Variants in NF2 observed in about 807,000 individuals in gnomAD.
The protein encoded by NF2 is merlin.
NF2 carries 8 observed loss-of-function variants against 83.7 expected under a neutral mutation model. That is an observed-to-expected ratio of 0.10 (90% CI 0.06 to 0.17). The LOEUF (loss-of-function observed/expected upper bound fraction) is 0.17, where lower values mean the gene tolerates loss of function less well. NF2 is among the 10% of genes least tolerant of loss of function. The pLI is 1.00. For missense variants in NF2, 533 were observed against 744.4 expected (o/e 0.72, Z 3.31); for synonymous variants, 266 against 269.6 (o/e 0.99, Z 0.13).
At chr22:29,690,856 G>A (rs2147157423) in intron 15 of NF2, among the ~76,000 whole-genome samples, 1 of 152,320 alleles carries the variant, frequency 6.6e-6, no homozygotes, top group South Asian at 2.1e-4. Flanking sequence ...TCTGAGCAGG[G>A]CCCTTGGGTT....
chr22:29,621,439 T>C (rs1280242192), intron 1 of NF2, among the ~76,000 whole-genome samples: 1 of 152,168 alleles, frequency 6.6e-6, no homozygotes. Context: ...AGATAAGTGC[T>C]ATATATAATG....
At chr22:29,633,507 CCTT>C in intron 1 of NF2, among the ~76,000 whole-genome samples, 1 of 152,276 alleles carries the variant, frequency 6.6e-6, no homozygotes, top group Non-Finnish European at 1.5e-5. Flanking sequence ...TACTTTCTGG[CCTT>C]CTTGATCCAG....
chr22:29,623,399 G>A (rs941854885), intron 1 of NF2, among the ~76,000 whole-genome samples: 5 of 152,268 alleles, frequency 3.3e-5, no homozygotes, highest in East Asian at 1.9e-4. Flanking sequence ...GATTTGGAAC[G>A]TTTGGGGTTT....
At chr22:29,661,591 A>G (rs2066479967) in intron 8 of NF2, among the ~76,000 whole-genome samples, 1 of 152,224 alleles carries the variant, frequency 6.6e-6, no homozygotes, top group Non-Finnish European at 1.5e-5. Flanking sequence ...GAACAAAAAC[A>G]GTAACATTTT....
chr22:29,671,371 A>C (rs2066779515), intron 10 of NF2, among the ~76,000 whole-genome samples: 1 of 152,154 alleles, frequency 6.6e-6, no homozygotes, highest in South Asian at 2.1e-4. Flanking sequence ...TCTACTAAAA[A>C]TACAAAAATT....
At chr22:29,688,956 G>A (rs896884849) in intron 15 of NF2, among the ~76,000 whole-genome samples, 5 of 152,074 alleles carry the variant, frequency 3.3e-5, no homozygotes, top group South Asian at 2.1e-4. Context: ...CGAGGCAGGC[G>A]GATCACGAAG....
At chr22:29,626,810 C>A (rs2065379360) in intron 1 of NF2, among the ~76,000 whole-genome samples, 1 of 152,174 alleles carries the variant, frequency 6.6e-6, no homozygotes, top group South Asian at 2.1e-4. Context: ...TGAAATTTAA[C>A]CTTGTGCCTT....
chr22:29,624,880 CTCTT>C (rs973473583), intron 1 of NF2, among the ~76,000 whole-genome samples: 11 of 132,652 alleles, frequency 8.3e-5, no homozygotes, highest in African/African-American at 2.5e-4. Flanking sequence ...TCTTTCTCTC[CTCTT>C]TCTGTCTCTC....
chr22:29,687,345 G>A (rs996707930), intron 15 of NF2, among the ~76,000 whole-genome samples: 2 of 152,192 alleles, frequency 1.3e-5, no homozygotes, highest in Admixed American at 6.5e-5. Flanking sequence ...TATCTCAAGC[G>A]CCAGCAGCTT....
intron 15 of NF2, among the ~76,000 whole-genome samples, chr22:29,693,029 T>C (rs1601686240): frequency 6.6e-6 from 1 of 152,362 alleles, no homozygotes; most frequent in Admixed American, 6.5e-5. Flanking sequence ...AAAGTGGCTG[T>C]TCTTTTCAGA....
chr22:29,605,631 A>G (rs2064772263), intron 1 of NF2, among the ~76,000 whole-genome samples: 1 of 152,066 alleles, frequency 6.6e-6, no homozygotes, highest in South Asian at 2.1e-4. Flanking sequence ...TTTTAAAATC[A>G]ACTATTTAAA....
intron 8 of NF2, among the ~76,000 whole-genome samples, chr22:29,664,342 A>G (rs1045118670): frequency 4.0e-5 from 6 of 150,946 alleles, no homozygotes; most frequent in Admixed American, 1.3e-4. Context: ...TAAACCTATT[A>G]TATCATCTTA....
At chr22:29,658,032 C>T (rs1283926920) in intron 6 of NF2, among the ~76,000 whole-genome samples, 157 bp from the exon 7 acceptor site, 1 of 152,094 alleles carries the variant, frequency 6.6e-6, no homozygotes, top group Admixed American at 6.5e-5. Context: ...AGACTCAGGG[C>T]CGGGCAGAGC....
intron 11 of NF2, 67 bp downstream of exon 11, chr22:29,672,015 G>A: frequency 6.2e-7 from 1 of 1,609,258 alleles, no homozygotes. Context: ...CTGGAGCTTG[G>A]TCTCCTGAAA....
At chr22:29,643,910 G>A (rs10135594) in intron 4 of NF2, among the ~76,000 whole-genome samples, 2 of 150,116 alleles carry the variant, frequency 1.3e-5, no homozygotes, top group South Asian at 2.1e-4. Context: ...GCGGCTGGCC[G>A]GGCGGGGGGC....
chr22:29,684,556 G>T (rs2067226929), intron 15 of NF2, among the ~76,000 whole-genome samples: 1 of 152,202 alleles, frequency 6.6e-6, no homozygotes, highest in South Asian at 2.1e-4. Context: ...ATTTCTCACT[G>T]AGCTTTTACT....
At chr22:29,693,824 A>C (rs1431557832) in intron 15 of NF2, among the ~76,000 whole-genome samples, 1 of 150,620 alleles carries the variant, frequency 6.6e-6, no homozygotes, top group Non-Finnish European at 1.5e-5. Flanking sequence ...AATGGTACAG[A>C]CTCCCTCCCC....
At chr22:29,671,652 A>G (rs2066791113) in intron 10 of NF2, among the ~76,000 whole-genome samples, 174 bp from the exon 11 acceptor site, 1 of 152,106 alleles carries the variant, frequency 6.6e-6, no homozygotes, top group Admixed American at 6.5e-5. Context: ...CAACTCTGCA[A>G]CTGGTTTAGA....
intron 14 of NF2, among the ~76,000 whole-genome samples, chr22:29,680,496 C>T (rs576112209): frequency 6.6e-6 from 1 of 152,360 alleles, no homozygotes; most frequent in East Asian, 1.9e-4. Context: ...GGCAGAGTCT[C>T]TATACTAACC....
Sources: allele counts gnomAD v4.1 joint callset (sites outside exome capture counted in the v4.1 genomes callset), GRCh38; gene constraint gnomAD v4.1.1; transcripts MANE v1.5; gene names NCBI Gene and HGNC (gene_info 2026-07-23, HGNC 2026-07-21).